The following SETX variants were observed in gnomAD, a reference collection of about 807,000 sequenced individuals.
SETX encodes the protein senataxin.
Under a neutral mutation model 227.2 loss-of-function variants are expected in SETX, and 90 were observed. The ratio of observed to expected loss-of-function variants is 0.40; its 90% CI spans 0.33 to 0.47. The LOEUF (loss-of-function observed/expected upper bound fraction) is 0.47. Among genes scored for constraint, SETX ranks in the 20% least tolerant of loss-of-function variants. The pLI is 0.91. For missense variants in SETX, 3,052 were observed against 3,181.5 expected, an observed-to-expected ratio of 0.96 and a Z score of 0.98; for synonymous variants, 1,210 against 1,113.2, an observed-to-expected ratio of 1.09 and a Z score of -1.73.
At position 132,329,472 on chromosome 9, in the gene SETX, G is replaced by C. The variant is rs1847080086; in HGVS notation, c.2126C>G (p.Thr709Arg). ...ERAEDQIKISTRKQKSVKEIS... is the reference protein window; with the variant it reads ...ERAEDQIKISRRKQKSVKEIS... ...CTCTTTTACAGACTTCTGCTTCCTT[G>C]TACTTATTTTAATTTGATCTTCAGC... Residue 709 changes from threonine to arginine, a missense_variant, in exon 10 of 26, where the codon ACA becomes AGA. Transcript: ENST00000224140. The C allele has an allele frequency of 6.2e-7, 1 of 1,612,326 alleles. No individual in the cohort carries two copies. Among genetic ancestry groups the C allele is most frequent in the African/African-American group, 1.3e-5 (1 of 74,786 alleles).
chr9:132,345,262 G>A (rs1016357049), intron 4 of SETX, among the ~76,000 whole-genome samples: 5 of 152,130 alleles, frequency 3.3e-5, no homozygotes, highest in African/African-American at 1.2e-4. Flanking sequence ...CATACTACAA[G>A]AATGAAAATT....
intron 6 of SETX, among the ~76,000 whole-genome samples, chr9:132,335,032 G>GAAA (rs58780019): frequency 6.1e-5 from 9 of 148,474 alleles, no homozygotes; most frequent in African/African-American, 1.2e-4. Flanking sequence ...CACTAAGAAA[G>GAAA]AAAAAAAAAA....
At chr9:132,342,661 C>A in intron 5 of SETX, 29 bp downstream of exon 5, 1 of 1,423,012 alleles carries the variant, frequency 7.0e-7, no homozygotes, top group Non-Finnish European at 9.9e-7. Flanking sequence ...GCACAATATA[C>A]CCTTCTATCG....
chr9:132,324,614 T>A (rs1846588512), intron 10 of SETX, among the ~76,000 whole-genome samples: 1 of 152,176 alleles, frequency 6.6e-6, no homozygotes, highest in African/African-American at 2.4e-5. Flanking sequence ...GTCCCCTTTG[T>A]TCTAGATCAT....
chr9:132,343,144 C>T (rs1348290851), intron 4 of SETX, among the ~76,000 whole-genome samples: 1 of 152,068 alleles, frequency 6.6e-6, no homozygotes, highest in Non-Finnish European at 1.5e-5. Context: ...ACGGTGAAAC[C>T]CCGTCTCTAC....
intron 23 of SETX, among the ~76,000 whole-genome samples, chr9:132,272,382 C>T (rs989840632): frequency 1.3e-5 from 2 of 151,748 alleles, no homozygotes; most frequent in African/African-American, 4.8e-5. Flanking sequence ...CCCCTGGCCC[C>T]AAGCAATCCT....
At position 132,275,501 on chromosome 9, in the gene SETX, G is replaced by A. The variant is rs1174482026; in HGVS notation, c.6936-81C>T. The A allele has an allele frequency of 4.0e-6, 5 of 1,264,174 alleles. No homozygotes were observed. In the South Asian group the frequency reaches 6.4e-5, roughly 16 times the overall value. The allele number at this position is 1,264,174 out of a possible 1,614,324, so 78.3% of individuals were successfully genotyped here. A position where few individuals can be genotyped will look rare whatever the true frequency, so the allele number is the denominator to read the frequency against. ...TGCTAACTTAAGTTCCACTGAGTTTGTTTCCCATTATAGTAAAGGGCAGGC... is the reference window on the plus strand; with the variant it reads ...TGCTAACTTAAGTTCCACTGAGTTTATTTCCCATTATAGTAAAGGGCAGGC... On this transcript the variant is annotated intron_variant, in intron 22 of 25. Coordinates refer to ENST00000224140, the MANE Select transcript of SETX (RefSeq NM_015046.7).
intron 11 of SETX, among the ~76,000 whole-genome samples, chr9:132,306,844 G>A (rs1845364543): frequency 6.6e-6 from 1 of 152,158 alleles, no homozygotes; most frequent in Non-Finnish European, 1.5e-5. Context: ...CTACCACGTA[G>A]CAGGGACTAC....
At chr9:132,298,349 C>A in intron 12 of SETX, 37 bp from the exon 13 acceptor site, 5 of 1,490,730 alleles carry the variant, frequency 3.4e-6, no homozygotes, top group Non-Finnish European at 3.7e-6. Context: ...CTTCAGTTAT[C>A]ACTGAATAAT....
At chr9:132,278,308 T>A (rs1843288197) in intron 20 of SETX, 51 bp from the exon 21 acceptor site, 20 of 1,578,632 alleles carry the variant, frequency 1.3e-5, no homozygotes, top group Non-Finnish European at 1.5e-5. Flanking sequence ...TTTATATCTT[T>A]CCCACTATTA....
At chr9:132,311,607 C>A (rs1845661755) in intron 11 of SETX, 150 bp downstream of exon 11, 8 of 638,958 alleles carry the variant, frequency 1.3e-5, no homozygotes, top group Non-Finnish European at 2.2e-5. Context: ...CAGTAACTAT[C>A]CTCATTAAGA....
chr9:132,284,037 T>C (rs1405023946), intron 18 of SETX, among the ~76,000 whole-genome samples: 1 of 152,232 alleles, frequency 6.6e-6, no homozygotes, highest in Non-Finnish European at 1.5e-5. Flanking sequence ...TTCAGTTTGC[T>C]GCTTTTTGCT....
At chr9:132,299,322 G>A (rs1349587548) in intron 12 of SETX, among the ~76,000 whole-genome samples, 1 of 152,202 alleles carries the variant, frequency 6.6e-6, no homozygotes, top group Non-Finnish European at 1.5e-5. Flanking sequence ...ATTTCCAAAT[G>A]GAGGTATCCA....
chr9:132,347,330 T>C (rs903726834), intron 3 of SETX, among the ~76,000 whole-genome samples: 3 of 152,016 alleles, frequency 2.0e-5, no homozygotes, highest in African/African-American at 7.2e-5. Flanking sequence ...TTTATTTTTT[T>C]TTGAGACAGA....
At chr9:132,305,131 G>C (rs1845250796) in intron 11 of SETX, among the ~76,000 whole-genome samples, 1 of 151,862 alleles carries the variant, frequency 6.6e-6, no homozygotes, top group Admixed American at 6.6e-5. Flanking sequence ...GAGGCGGGCG[G>C]ATCACGAGGT....
At chr9:132,277,748 T>C (rs1843241531) in intron 21 of SETX, among the ~76,000 whole-genome samples, 1 of 132,540 alleles carries the variant, frequency 7.5e-6, no homozygotes. Context: ...TGTGTGCCAC[T>C]GCACTCATCC....
chr9:132,297,120 A>G, intron 13 of SETX, 66 bp from the exon 14 acceptor site: 4 of 1,396,460 alleles, frequency 2.9e-6, no homozygotes, highest in South Asian at 2.5e-5. Context: ...AAGGAAGAAC[A>G]TGAAAAAGAC....
intron 5 of SETX, 102 bp from the exon 6 acceptor site, chr9:132,336,617 ATG>A: frequency 1.1e-6 from 1 of 870,120 alleles, no homozygotes. Context: ...TTTAAAAGAC[ATG>A]TGACATATTA....
chr9:132,275,208 C>G (rs1221792903), intron 23 of SETX, 48 bp downstream of exon 23: 1 of 1,578,864 alleles, frequency 6.3e-7, no homozygotes, highest in Non-Finnish European at 8.7e-7. Context: ...TATATCCTCT[C>G]ATTCTAATTC....
Sources: allele counts gnomAD v4.1 joint callset (sites outside exome capture counted in the v4.1 genomes callset), GRCh38; gene constraint gnomAD v4.1.1; transcripts MANE v1.5; gene names NCBI Gene and HGNC (gene_info 2026-07-23, HGNC 2026-07-21).